Variants in ADAM32 observed in about 807,000 individuals in gnomAD.
The protein encoded by ADAM32 is disintegrin and metalloproteinase domain-containing protein 32.
A neutral mutation model predicts 114.9 loss-of-function variants in ADAM32; 89 were observed. The observed-to-expected ratio is 0.77, with a 90% confidence interval of 0.65 to 0.92. ADAM32 has a LOEUF of 0.92. Among genes scored for constraint, ADAM32 ranks in the 40% least tolerant of loss-of-function variants. ADAM32 has a pLI of 0.00. For synonymous variants in ADAM32, 285 were observed against 307.5 expected, an observed-to-expected ratio of 0.93 and a Z score of 0.77; for missense variants, 870 against 932.8, an observed-to-expected ratio of 0.93 and a Z score of 0.88.
chr8:39,265,555 T>C (rs972430023), intron 19 of ADAM32, among the ~76,000 whole-genome samples: 4 of 152,222 alleles, frequency 2.6e-5, no homozygotes, highest in African/African-American at 7.2e-5. Flanking sequence ...CTGGTTGTTA[T>C]GTAGATTTGA....
chr8:39,142,809 G>T (rs983205194), intron 3 of ADAM32, among the ~76,000 whole-genome samples: 4 of 152,082 alleles, frequency 2.6e-5, no homozygotes, highest in African/African-American at 7.2e-5. Context: ...TTCTATCTTG[G>T]TTCCATTCTC....
At position 39,202,403 on chromosome 8, in the gene ADAM32, G is replaced by T. The variant is rs574733423; in HGVS notation, c.1053-8741G>T. Among the ~76,000 whole-genome samples the T allele has an allele frequency of 2.0e-5, 3 of 152,300 alleles. No individual in the cohort carries two copies. The East Asian group carries it at 5.8e-4, about 29-fold the overall frequency. ...TTATCTGTTTCTTCTAGATTTTCTA[G>T]TTTATTTGCGTAGAGGTGTTTATAG... On this transcript the variant is annotated intron_variant, in intron 11 of 24. Transcript: ENST00000379907.
intron 14 of ADAM32, among the ~76,000 whole-genome samples, chr8:39,226,579 T>A (rs562746748): frequency 3.3e-5 from 5 of 152,094 alleles, no homozygotes; most frequent in Non-Finnish European, 5.9e-5. Flanking sequence ...TAAGTTGGAT[T>A]TTCTCAGCAG....
chr8:39,121,406 C>T (rs1840583761), intron 2 of ADAM32, among the ~76,000 whole-genome samples: 1 of 151,836 alleles, frequency 6.6e-6, no homozygotes, highest in Non-Finnish European at 1.5e-5. Flanking sequence ...GCAATGAGAA[C>T]ACATGGACAC....
At chr8:39,139,558 T>G (rs1156970987) in intron 3 of ADAM32, among the ~76,000 whole-genome samples, 2 of 152,218 alleles carry the variant, frequency 1.3e-5, no homozygotes, top group African/African-American at 4.8e-5. Flanking sequence ...ACCAGTACCA[T>G]GCTATTTTGG....
chr8:39,163,250 C>T (rs1015306720), intron 7 of ADAM32, among the ~76,000 whole-genome samples: 10 of 152,048 alleles, frequency 6.6e-5, no homozygotes, highest in Admixed American at 2.6e-4. Flanking sequence ...TATATTGAAG[C>T]CAACAGATCA....
intron 2 of ADAM32, among the ~76,000 whole-genome samples, chr8:39,119,448 C>T (rs1005261442): frequency 1.3e-5 from 2 of 152,156 alleles, no homozygotes; most frequent in Non-Finnish European, 2.9e-5. Flanking sequence ...CTTCAATTTG[C>T]ATTTCTTTAA....
intron 23 of ADAM32, among the ~76,000 whole-genome samples, chr8:39,281,908 T>G (rs1813442559): frequency 6.6e-6 from 1 of 152,218 alleles, no homozygotes; most frequent in African/African-American, 2.4e-5. Context: ...GATTAAATTT[T>G]CTAGGCTACA....
At position 39,225,702 on chromosome 8, in the gene ADAM32, T is replaced by C. The variant is rs570795417; in HGVS notation, c.1525+2464T>C. On this transcript the variant is annotated intron_variant, in intron 14 of 24. Transcript: ENST00000379907. The stretch of plus-strand genomic sequence containing the variant: ...GTTGACCTCAGCTGACAGAAATGCA[T>C]GGAGGGTACACTGCTCTGTCTTCAC... 3.9e-5 allele frequency among the ~76,000 whole-genome samples: 6 copies of C among 152,316 alleles called. No homozygotes were observed. In the South Asian group the frequency reaches 1.2e-3, roughly 32 times the overall value.
intron 16 of ADAM32, among the ~76,000 whole-genome samples, chr8:39,242,541 T>A (rs1382350005): frequency 6.6e-6 from 1 of 152,204 alleles, no homozygotes; most frequent in Non-Finnish European, 1.5e-5. Flanking sequence ...AGAGAGCTTG[T>A]GCAGTGAATC....
At chr8:39,138,519 C>T (rs2129445088) in intron 3 of ADAM32, among the ~76,000 whole-genome samples, 1 of 152,282 alleles carries the variant, frequency 6.6e-6, no homozygotes. Flanking sequence ...TTTTTTATGG[C>T]TGCATAGTAT....
intron 16 of ADAM32, among the ~76,000 whole-genome samples, chr8:39,235,888 A>G (rs1810102081): frequency 6.6e-6 from 1 of 152,196 alleles, no homozygotes; most frequent in Non-Finnish European, 1.5e-5. Flanking sequence ...TTATGATGCC[A>G]TTTATCTGAA....
Position 39,142,623 on chromosome 8 carries a change from G to T in ADAM32, c.201-4507G>T, listed in dbSNP as rs146173734. The stretch of plus-strand genomic sequence containing the variant: ...GTTGGTAAGCCAACCTTTCTCTCTG[G>T]CTGCCCTTAACATTTTTTCCTTCAT... On this transcript the variant is annotated intron_variant, in intron 3 of 24. Coordinates refer to ENST00000379907, the MANE Select transcript of ADAM32 (RefSeq NM_145004.7). Among the ~76,000 whole-genome samples, 54 of 152,198 alleles carry T rather than the reference G, an allele frequency of 3.5e-4. 1 individual carries two copies. Among genetic ancestry groups the T allele is most frequent in the African/African-American group, 1.2e-3 (49 of 41,530 alleles).
intron 11 of ADAM32, among the ~76,000 whole-genome samples, chr8:39,191,297 G>A (rs10112465): frequency 0.25 from 37,504 of 152,020 alleles, 5,005 homozygotes; most frequent in Non-Finnish European, 0.29. Flanking sequence ...TTGAATGGTC[G>A]TTCTATTTTT....
chr8:39,246,147 A>G lies in ADAM32; in HGVS notation c.1883A>G (p.Gln628Arg). 1.2e-6 allele frequency: 2 copies of G among 1,613,422 alleles called. No homozygotes were observed. Among genetic ancestry groups the G allele is most frequent in the Non-Finnish European group, 1.7e-6 (2 of 1,179,524 alleles). Residue 628 changes from glutamine (Q) to arginine (R), a missense_variant, in exon 17 of 25, where the codon CAA (glutamine) becomes CGA (arginine). Coordinates refer to ENST00000379907, the MANE Select transcript of ADAM32 (RefSeq NM_145004.7). ...IIKASAHVCS[Q>R]QCSGHGVCDS... ...AAGGCTTCAGCACATGTTTGTTCAC[A>G]ACAGTGTTCTGGACATGGAGTAAGT...
intron 10 of ADAM32, among the ~76,000 whole-genome samples, chr8:39,182,478 A>G (rs1476207881): frequency 6.6e-6 from 1 of 152,228 alleles, no homozygotes; most frequent in Admixed American, 6.5e-5. Flanking sequence ...AAATGGTTAA[A>G]TCTAGCTAAC....
intron 20 of ADAM32, among the ~76,000 whole-genome samples, chr8:39,271,231 G>A (rs1564728801): frequency 6.6e-6 from 1 of 152,150 alleles, no homozygotes; most frequent in East Asian, 1.9e-4. Flanking sequence ...ATAGAGGCAC[G>A]TGCTGTATAA....
At chr8:39,147,244 T>A (rs535516999) in intron 4 of ADAM32, 39 bp downstream of exon 4, 20 of 829,728 alleles carry the variant, frequency 2.4e-5, no homozygotes, top group South Asian at 7.7e-5. Flanking sequence ...TTTTTTTAAA[T>A]TTTTTTACAT....
At chr8:39,218,999 G>T (rs1469081706) in intron 12 of ADAM32, among the ~76,000 whole-genome samples, 2 of 152,064 alleles carry the variant, frequency 1.3e-5, no homozygotes, top group African/African-American at 4.8e-5. Flanking sequence ...CCCGGATGGG[G>T]TCCTTCCATT....
Sources: allele counts gnomAD v4.1 joint callset (sites outside exome capture counted in the v4.1 genomes callset), GRCh38; gene constraint gnomAD v4.1.1; transcripts MANE v1.5; gene names NCBI Gene and HGNC (gene_info 2026-07-23, HGNC 2026-07-21).